HMGCLL1: variants seen among roughly 807,000 people sequenced by gnomAD.
HMGCLL1 encodes the protein 3-hydroxymethyl-3-methylglutaryl-CoA lyase, cytoplasmic.
In HMGCLL1, 36 loss-of-function variants were observed where a neutral mutation model predicts 39.1. The observed-to-expected ratio is 0.92, with a 90% CI of 0.71 to 1.22. The LOEUF is 1.22. Among genes scored for constraint, HMGCLL1 ranks in the 50% most tolerant of loss-of-function variants. The pLI is 0.00. For missense variants in HMGCLL1, 451 were observed against 416.5 expected (o/e 1.08, Z -0.72); for synonymous variants, 149 against 144.0 (o/e 1.03, Z -0.25).
intron 1 of HMGCLL1, chr6:55,563,884 G>T: frequency 1.6e-6 from 2 of 1,288,084 alleles, no homozygotes; most frequent in South Asian, 2.5e-5. Flanking sequence ...AGAGGTCCAT[G>T]GTGCAGCATC....
chr6:55,484,104 G>A (rs757461435), intron 7 of HMGCLL1, among the ~76,000 whole-genome samples: 22 of 152,134 alleles, frequency 1.4e-4, no homozygotes, highest in Non-Finnish European at 2.8e-4. Context: ...GAAAAGATAG[G>A]TAGTCATGTA....
intron 3 of HMGCLL1, among the ~76,000 whole-genome samples, chr6:55,535,111 G>A (rs1768936523): frequency 6.6e-6 from 1 of 152,142 alleles, no homozygotes; most frequent in African/African-American, 2.4e-5. Flanking sequence ...AAATTTCAAT[G>A]ACCATTTGAG....
the HMGCLL1 span, among the ~76,000 whole-genome samples, chr6:55,644,774 A>G: frequency 6.6e-6 from 1 of 152,072 alleles, no homozygotes; most frequent in African/African-American, 2.4e-5. Context: ...TTTTTATGCC[A>G]GTACCATGCT....
intron 8 of HMGCLL1, 40 bp from the exon 9 acceptor site, chr6:55,435,803 T>C: frequency 9.4e-7 from 1 of 1,063,870 alleles, no homozygotes; most frequent in Non-Finnish European, 1.4e-6. Flanking sequence ...GGCAGAGGGA[T>C]TAGAGAGAAA....
intron 7 of HMGCLL1, among the ~76,000 whole-genome samples, chr6:55,457,115 G>A (rs888354528): frequency 6.6e-6 from 1 of 152,044 alleles, no homozygotes; most frequent in Admixed American, 6.6e-5. Flanking sequence ...TCTGCTTTCT[G>A]ACTGATCCCA....
In HMGCLL1 at chr6:55,435,799, G is replaced by A. The variant is rs544201674; in HGVS notation, c.922-36C>T. 27 of 1,099,964 alleles carry A rather than the reference G, an allele frequency of 2.5e-5. No individual in the cohort carries two copies. The African/African-American group carries it at 2.7e-4, about 11-fold the overall frequency. The allele number at this position is 1,099,964 out of a possible 1,614,324, so 68.1% of individuals were successfully genotyped here. A position where few individuals can be genotyped will look rare whatever the true frequency, so the allele number is the denominator to read the frequency against. On this transcript the variant is annotated intron_variant, in intron 8 of 8. Transcript: ENST00000274901. ...AATGAAGGAATATCAGGAAGGCAGAGGGATTAGAGAGAAAAAAGATAAAAC... is the reference window on the plus strand; with the variant it reads ...AATGAAGGAATATCAGGAAGGCAGAAGGATTAGAGAGAAAAAAGATAAAAC...
intron 7 of HMGCLL1, among the ~76,000 whole-genome samples, chr6:55,460,094 G>A (rs1764491649): frequency 2.0e-5 from 3 of 151,832 alleles, no homozygotes; most frequent in Non-Finnish European, 4.4e-5. Flanking sequence ...GATCCCATGT[G>A]TCCAGGAGGA....
intron 7 of HMGCLL1, among the ~76,000 whole-genome samples, chr6:55,440,580 T>C (rs1205473334): frequency 6.6e-6 from 1 of 152,060 alleles, no homozygotes; most frequent in Non-Finnish European, 1.5e-5. Context: ...CTGTGAAAGG[T>C]AACAATTCGG....
the HMGCLL1 span, among the ~76,000 whole-genome samples, chr6:55,651,102 A>G: frequency 1.7e-4 from 26 of 152,184 alleles, no homozygotes; most frequent in South Asian, 4.8e-3. Context: ...CTTTTCTCAA[A>G]TAGAAAGAGT....
At chr6:55,655,536 G>GTAGATAGATGGA in the HMGCLL1 span, among the ~76,000 whole-genome samples, 1 of 147,620 alleles carries the variant, frequency 6.8e-6, no homozygotes, top group South Asian at 2.2e-4. Context: ...AGTTATATTG[G>GTAGATAGATGGA]TAGATAGATA....
At position 55,579,099 on chromosome 6, in the gene HMGCLL1, G is replaced by A. The variant is rs1771915047; in HGVS notation, c.-44C>T. The A allele has an allele frequency of 1.4e-6, 2 of 1,432,126 alleles. No homozygotes were observed. The highest frequency in any genetic ancestry group is 2.4e-5 in the East Asian group (1 of 41,316). The allele number at this position is 1,432,126 out of a possible 1,614,324, so 88.7% of individuals were successfully genotyped here. A position where few individuals can be genotyped will look rare whatever the true frequency, so the allele number is the denominator to read the frequency against. ...AGTCGGCGAGGGGAGGGAGACTGGA[G>A]GAGGATGAGGGGCGGGCACCGCGCT... On this transcript the variant is annotated 5_prime_UTR_variant, in exon 1 of 9. Coordinates refer to ENST00000274901, the MANE Select transcript of HMGCLL1 (RefSeq NM_001042406.2).
intron 5 of HMGCLL1, among the ~76,000 whole-genome samples, chr6:55,505,673 G>A (rs4398736): frequency 0.68 from 102,328 of 151,388 alleles, 34,597 homozygotes; most frequent in Non-Finnish European, 0.7. Flanking sequence ...TGTATAAACT[G>A]TGATCTCTCT....
At chr6:55,631,489 A>G in the HMGCLL1 span, among the ~76,000 whole-genome samples, 1 of 152,222 alleles carries the variant, frequency 6.6e-6, no homozygotes, top group African/African-American at 2.4e-5. Context: ...TGCCAGCGTC[A>G]GGACGCTGAG....
intron 7 of HMGCLL1, among the ~76,000 whole-genome samples, chr6:55,493,367 G>A (rs571820057): frequency 6.6e-6 from 1 of 152,208 alleles, no homozygotes; most frequent in South Asian, 2.1e-4. Context: ...GTGGTCTTTT[G>A]GGGAGTCCTG....
the HMGCLL1 span, among the ~76,000 whole-genome samples, chr6:55,616,867 A>T: frequency 6.6e-6 from 1 of 151,998 alleles, no homozygotes; most frequent in Non-Finnish European, 1.5e-5. Flanking sequence ...ATAACAAAAA[A>T]ATTAGATTAT....
the HMGCLL1 span, among the ~76,000 whole-genome samples, chr6:55,613,852 T>C: frequency 1.1e-4 from 16 of 152,132 alleles, no homozygotes; most frequent in African/African-American, 3.9e-4. Flanking sequence ...GATGTGTTGA[T>C]AGATGTAGCA....
At chr6:55,477,229 TA>T in intron 7 of HMGCLL1, among the ~76,000 whole-genome samples, 1 of 21,168 alleles carries the variant, frequency 4.7e-5, no homozygotes, top group Non-Finnish European at 7.1e-5. Context: ...TAATATATAA[TA>T]TATATTATAT....
the HMGCLL1 span, among the ~76,000 whole-genome samples, chr6:55,660,954 C>T: frequency 0.017 from 2,539 of 151,950 alleles, 83 homozygotes; most frequent in African/African-American, 0.059. Context: ...TTTTGATTTT[C>T]CCTAATGATC....
the HMGCLL1 span, among the ~76,000 whole-genome samples, chr6:55,650,115 AT>A: frequency 1.3e-5 from 1 of 79,390 alleles, no homozygotes; most frequent in Non-Finnish European, 2.3e-5. Context: ...ATATATATAT[AT>A]ATATATATAT....
Sources: allele counts gnomAD v4.1 joint callset (sites outside exome capture counted in the v4.1 genomes callset), GRCh38; gene constraint gnomAD v4.1.1; transcripts MANE v1.5; gene names NCBI Gene and HGNC (gene_info 2026-07-23, HGNC 2026-07-21).